The following INPP5B variants were observed in gnomAD, a reference collection of about 807,000 sequenced individuals.
The protein encoded by INPP5B is inositol polyphosphate-5-phosphatase B, also known as type II inositol 1,4,5-trisphosphate 5-phosphatase.
INPP5B carries 90 observed loss-of-function variants against 118.5 expected under a neutral mutation model. The ratio of observed to expected loss-of-function variants is 0.76; its 90% CI spans 0.64 to 0.90. INPP5B has a LOEUF of 0.90. Ranked by LOEUF, INPP5B falls within the 40% of genes least tolerant of loss-of-function variation. The probability of loss-of-function intolerance (pLI) is 0.00; values close to 1 mark genes in which losing one functional copy is unlikely to be tolerated. For missense variants in INPP5B, 984 were observed against 1,125.6 expected (o/e 0.87, Z 1.80); for synonymous variants, 385 against 418.9 (o/e 0.92, Z 0.99).
At chr1:37,875,782 C>T (rs906141387) in intron 16 of INPP5B, 66 bp from the exon 17 acceptor site, 13 of 1,149,814 alleles carry the variant, frequency 1.1e-5, no homozygotes, top group South Asian at 6.3e-5. Flanking sequence ...TCAGTATAGA[C>T]GGCATTCACA....
intron 1 of INPP5B, 144 bp from the exon 2 acceptor site, chr1:37,946,478 C>T (rs1646116679): frequency 4.8e-6 from 3 of 626,024 alleles, no homozygotes; most frequent in Non-Finnish European, 8.5e-6. Flanking sequence ...CCTCCTCCTC[C>T]TCTTTGTCCT....
intron 6 of INPP5B, among the ~76,000 whole-genome samples, chr1:37,933,717 CTCAA>C (rs1645580408): frequency 9.0e-6 from 1 of 110,976 alleles, no homozygotes; most frequent in African/African-American, 3.4e-5. Context: ...TAGACTCTGT[CTCAA>C]TAAATAAATA....
At chr1:37,896,973 G>A (rs1370217288) in intron 7 of INPP5B, among the ~76,000 whole-genome samples, 2 of 118,670 alleles carry the variant, frequency 1.7e-5, no homozygotes, top group African/African-American at 5.4e-5. Context: ...CCCCGTCCGG[G>A]AGGGAGGTGG....
intron 6 of INPP5B, among the ~76,000 whole-genome samples, chr1:37,934,987 CAGG>C (rs1264392150): frequency 6.6e-6 from 1 of 151,134 alleles, no homozygotes; most frequent in African/African-American, 2.4e-5. Context: ...ATCACGAGGT[CAGG>C]AGATCGAGAC....
chr1:37,861,069 T>A lies in INPP5B; in HGVS notation c.*1246A>T, dbSNP rs186636440. The A allele has an allele frequency of 1.3e-5, 2 of 152,386 alleles. No homozygotes were observed. The highest frequency in any genetic ancestry group is 3.9e-4 in the East Asian group (2 of 5,184). 9.4% of individuals were successfully genotyped at this position (152,386 alleles called of 1,614,324 possible). ...GTCCCAAACTCCTGGTCTCAAGTGA[T>A]GCTCCCACCTCAGTCTCCCAAAGTG... On this transcript the variant is annotated 3_prime_UTR_variant, in exon 24 of 24. Coordinates refer to ENST00000373024, the MANE Select transcript of INPP5B (RefSeq NM_005540.3).
At chr1:37,930,557 C>T (rs886075682) in intron 7 of INPP5B, 39 of 152,258 alleles carry the variant, frequency 2.6e-4, no homozygotes, top group African/African-American at 8.9e-4. Flanking sequence ...AACTCTCACC[C>T]GTCCCAGCAC....
chr1:37,877,730 AT>A (rs1231053616), intron 16 of INPP5B, among the ~76,000 whole-genome samples: 1 of 152,234 alleles, frequency 6.6e-6, no homozygotes, highest in Non-Finnish European at 1.5e-5. Flanking sequence ...TACATACATT[AT>A]GGCTCATCCA....
chr1:37,908,251 CT>C (rs758615178), intron 7 of INPP5B, among the ~76,000 whole-genome samples: 7 of 152,192 alleles, frequency 4.6e-5, no homozygotes, highest in Non-Finnish European at 7.4e-5. Flanking sequence ...GACCAGTCCC[CT>C]GTCTTCGCCC....
Position 37,889,592 on chromosome 1 carries a change from C to A in INPP5B, c.762G>T (p.Gln254His), listed in dbSNP as rs1029012618. ...GGATATAGGTGTAATCCTCTTCTTTCTGTAGTAGATGTGATTTCACAATTG... is the reference window on the plus strand; with the variant it reads ...GGATATAGGTGTAATCCTCTTCTTTATGTAGTAGATGTGATTTCACAATTG... The part of the protein sequence containing the change: ...RDTIVKSHLL[Q>H]KEEDYTYIQN... The change falls in exon 9 of 24, where the codon CAG becomes CAT. Residue 254 changes from glutamine (Q) to histidine (H), a missense_variant. By Grantham distance (24) the Gln-to-His change is conservative (BLOSUM62 0). Transcript: ENST00000373024. The A allele has an allele frequency of 1.9e-6, 3 of 1,613,800 alleles. No homozygotes were observed. In the East Asian group the frequency reaches 6.7e-5, roughly 36 times the overall value.
intron 21 of INPP5B, 173 bp from the exon 22 acceptor site, chr1:37,866,061 C>T (rs1016655475): frequency 1.6e-6 from 1 of 630,950 alleles, no homozygotes; most frequent in Admixed American, 6.3e-5. Context: ...GAGCCAGGCC[C>T]TCCTGAGTTC....
At chr1:37,870,873 G>C (rs1304151812) in intron 19 of INPP5B, among the ~76,000 whole-genome samples, 1 of 152,236 alleles carries the variant, frequency 6.6e-6, no homozygotes, top group Non-Finnish European at 1.5e-5. Context: ...AGTGGAGTTA[G>C]GCAGGGCATG....
intron 16 of INPP5B, among the ~76,000 whole-genome samples, chr1:37,876,552 T>TTAAA (rs1194597284): frequency 9.2e-5 from 5 of 54,590 alleles, no homozygotes; most frequent in Admixed American, 2.6e-4. Context: ...GCTGTCTCTT[T>TTAAA]AAAAAAAAAA....
intron 7 of INPP5B, among the ~76,000 whole-genome samples, chr1:37,894,561 C>CTTTTT (rs759895009): frequency 7.2e-6 from 1 of 139,044 alleles, no homozygotes. Flanking sequence ...TTTCTTTTTT[C>CTTTTT]TTTTTTTTTT....
intron 7 of INPP5B, among the ~76,000 whole-genome samples, chr1:37,921,711 A>G (rs1645061206): frequency 6.6e-6 from 1 of 152,116 alleles, no homozygotes; most frequent in Admixed American, 6.5e-5. Flanking sequence ...TTTAAAAATA[A>G]TAATGAATAA....
At chr1:37,897,424 G>C (rs1644160973) in intron 7 of INPP5B, among the ~76,000 whole-genome samples, 1 of 151,744 alleles carries the variant, frequency 6.6e-6, no homozygotes, top group Middle Eastern at 3.4e-3. Context: ...CTGTTGATCG[G>C]TGACCTTACC....
At chr1:37,936,213 C>T (rs1171704805) in intron 6 of INPP5B, among the ~76,000 whole-genome samples, 3 of 152,178 alleles carry the variant, frequency 2.0e-5, no homozygotes, top group African/African-American at 7.2e-5. Flanking sequence ...CCTCCTCTTC[C>T]CCCAAGTTCA....
intron 7 of INPP5B, among the ~76,000 whole-genome samples, chr1:37,900,723 G>C (rs1293346693): frequency 6.6e-6 from 1 of 150,792 alleles, no homozygotes; most frequent in Non-Finnish European, 1.5e-5. Context: ...CTGCCACCTG[G>C]GTTCAAGCAA....
intron 7 of INPP5B, among the ~76,000 whole-genome samples, chr1:37,896,537 G>A (rs1388553615): frequency 7.0e-5 from 10 of 142,104 alleles, no homozygotes; most frequent in African/African-American, 2.7e-4. Context: ...CTGCCCGGCC[G>A]CCCCTACTGG....
At chr1:37,898,512 G>A (rs1423620997) in intron 7 of INPP5B, among the ~76,000 whole-genome samples, 2 of 152,052 alleles carry the variant, frequency 1.3e-5, no homozygotes, top group Non-Finnish European at 2.9e-5. Context: ...TGACTAACAC[G>A]GTGAAACCCC....
Sources: allele counts gnomAD v4.1 joint callset (sites outside exome capture counted in the v4.1 genomes callset), GRCh38; gene constraint gnomAD v4.1.1; transcripts MANE v1.5; gene names NCBI Gene and HGNC (gene_info 2026-07-23, HGNC 2026-07-21).